The following SYT10 variants were observed in gnomAD, a reference collection of about 807,000 sequenced individuals.
The protein encoded by SYT10 is synaptotagmin 10.
Under a neutral mutation model 51.1 loss-of-function variants are expected in SYT10, and 31 were observed. The observed-to-expected ratio is 0.61, with a 90% confidence interval of 0.46 to 0.82. The LOEUF (loss-of-function observed/expected upper bound fraction) is 0.82. Ranked by LOEUF, SYT10 falls within the 40% of genes least tolerant of loss-of-function variation. The pLI, the probability that SYT10 is intolerant of heterozygous loss-of-function variation, is 0.00. For missense variants in SYT10, 603 were observed against 634.0 expected (o/e 0.95, Z 0.53); for synonymous variants, 233 against 225.9 (o/e 1.03, Z -0.28).
At position 33,375,259 on chromosome 12, in the gene SYT10, A is replaced by G. The variant is rs1360133121; in HGVS notation, c.*1571T>C. ...GTGCAAAATATTTACCTCTTAATTA[A>G]CAGTAATGCCATCACTATAAGAGAT... On this transcript the variant is annotated 3_prime_UTR_variant, in exon 7 of 7. Coordinates refer to ENST00000228567, the MANE Select transcript of SYT10 (RefSeq NM_198992.4). 2 of 152,066 alleles carry G rather than the reference A, an allele frequency of 1.3e-5. No individual in the cohort carries two copies. Among genetic ancestry groups the G allele is most frequent in the African/African-American group, 4.8e-5 (2 of 41,434 alleles). The allele number at this position is 152,066 out of a possible 1,614,324, so 9.4% of individuals were successfully genotyped here. A position where few individuals can be genotyped will look rare whatever the true frequency, so the allele number is the denominator to read the frequency against.
chr12:33,378,814 CTGTGTGTG>C (rs56373564), intron 6 of SYT10, among the ~76,000 whole-genome samples: 574 of 145,246 alleles, frequency 4.0e-3, no homozygotes, highest in African/African-American at 0.01. Context: ...GACTGGGTAT[CTGTGTGTG>C]TGTGTGTGTG....
intron 6 of SYT10, among the ~76,000 whole-genome samples, chr12:33,379,549 C>CAAAAAAAAAAAAAAAAA (rs71068377): frequency 9.1e-5 from 2 of 22,058 alleles, no homozygotes; most frequent in Non-Finnish European, 6.8e-5. Flanking sequence ...TCAGGCTATG[C>CAAAAAAAAAAAAAAAAA]AAAAAAAAAA....
At chr12:33,377,631 T>C (rs1279875669) in intron 6 of SYT10, among the ~76,000 whole-genome samples, 1 of 123,030 alleles carries the variant, frequency 8.1e-6, no homozygotes, top group Non-Finnish European at 1.7e-5. Context: ...TTCTTTTTCT[T>C]TTTTTTTTTT....
intron 2 of SYT10, among the ~76,000 whole-genome samples, chr12:33,413,626 T>G (rs12821052): frequency 6.6e-5 from 10 of 152,064 alleles, no homozygotes; most frequent in African/African-American, 2.4e-4. Context: ...TACAGACAAG[T>G]AAATGCTGAG....
At chr12:33,436,352 A>G (rs570184881) in intron 1 of SYT10, among the ~76,000 whole-genome samples, 16 of 152,276 alleles carry the variant, frequency 1.1e-4, no homozygotes, top group Middle Eastern at 3.4e-3. Context: ...GGAGAAAGAG[A>G]GAATCCATGG....
Position 33,407,128 on chromosome 12 carries a change from T to G in SYT10, c.738A>C (p.Glu246Asp). 6.2e-7 allele frequency: 1 copy of G among 1,613,730 alleles called. No homozygotes were observed. Among genetic ancestry groups the G allele is most frequent in the Non-Finnish European group, 8.5e-7 (1 of 1,179,912 alleles). The change falls in exon 3 of 7, where the codon GAA (glutamate) becomes GAC (aspartate). Residue 246 changes from glutamate to aspartate, a missense_variant. Physicochemically the swap from Glu to Asp is conservative, Grantham distance 45 (BLOSUM62 2). Transcript: ENST00000228567. Reference sequence around the variant, plus strand: ...CTTTGATAATTTTAACAACTAGAAGTTCATTTTCATAATCATACTGGAGGG... The same window carrying G: ...CTTTGATAATTTTAACAACTAGAAGGTCATTTTCATAATCATACTGGAGGG... ...NFTLQYDYEN[E>D]LLVVKIIKAL...
intron 1 of SYT10, among the ~76,000 whole-genome samples, chr12:33,435,376 T>C (rs1249565490): frequency 6.6e-6 from 1 of 152,218 alleles, no homozygotes; most frequent in Admixed American, 6.5e-5. Context: ...TAGGTCTCCA[T>C]TTGCATTTGA....
rs778562353 is a variant in SYT10 at position 33,426,461 on chromosome 12, G to A, written c.186C>T (p.Ser62=). 2.5e-6 allele frequency: 4 copies of A among 1,604,092 alleles called. No individual in the cohort carries two copies. Among genetic ancestry groups the A allele is most frequent in the Non-Finnish European group, 3.4e-6 (4 of 1,176,806 alleles). Residue 62 remains serine (S), a synonymous_variant, in exon 2 of 7, where the codon AGC becomes AGT. Transcript: ENST00000228567. The part of the protein sequence containing the change: ...ISVSLLAVVV[S]FCGLALLVVS... ...CAACCAACAAGGCCAGTCCACAAAA[G>A]CTGACAACGACAGCTAACAGGCTGA...
Position 33,439,699 on chromosome 12 carries a change from GC to G in SYT10, c.-178del. ...GCCCCACGTTGGCCCCATGGCGGGA[GC>G]GGAGGGCGTAGGGGAAGGAGAGGCG... On this transcript the variant is annotated 5_prime_UTR_variant, in exon 1 of 7. Coordinates refer to ENST00000228567, the MANE Select transcript of SYT10 (RefSeq NM_198992.4). The G allele has an allele frequency of 1.3e-6, 1 of 744,660 alleles. No homozygotes were observed. Among genetic ancestry groups the G allele is most frequent in the Non-Finnish European group, 2.1e-6 (1 of 479,942 alleles). The allele number at this position is 744,660 out of a possible 1,614,324, so 46.1% of individuals were successfully genotyped here.
intron 2 of SYT10, among the ~76,000 whole-genome samples, chr12:33,412,940 G>T (rs1216522049): frequency 6.6e-6 from 1 of 152,100 alleles, no homozygotes; most frequent in African/African-American, 2.4e-5. Context: ...CTTGAAAAAA[G>T]ATTAGACGAA....
intron 3 of SYT10, among the ~76,000 whole-genome samples, chr12:33,394,002 T>C (rs1454684415): frequency 2.0e-5 from 3 of 152,118 alleles, no homozygotes; most frequent in Non-Finnish European, 4.4e-5. Context: ...TAAATAAAAG[T>C]TTGCTGGGTT....
chr12:33,406,751 C>G, intron 3 of SYT10, 38 bp downstream of exon 3: 2 of 1,510,568 alleles, frequency 1.3e-6, no homozygotes, highest in Non-Finnish European at 1.8e-6. Context: ...CATTGTAAGT[C>G]AAATAAAAAA....
At chr12:33,416,925 T>G (rs1444974222) in intron 2 of SYT10, among the ~76,000 whole-genome samples, 2 of 152,252 alleles carry the variant, frequency 1.3e-5, no homozygotes, top group Non-Finnish European at 1.5e-5. Flanking sequence ...GGAGCATTGA[T>G]AGTTAATGTA....
intron 3 of SYT10, among the ~76,000 whole-genome samples, chr12:33,387,081 A>C (rs1269499110): frequency 6.6e-6 from 1 of 152,008 alleles, no homozygotes. Flanking sequence ...GGGGGAAATA[A>C]CTCGCTGATT....
chr12:33,435,905 T>C (rs1258837907), intron 1 of SYT10, among the ~76,000 whole-genome samples: 1 of 152,230 alleles, frequency 6.6e-6, no homozygotes, highest in Non-Finnish European at 1.5e-5. Flanking sequence ...GAAGAACATA[T>C]GTATGAATTT....
At chr12:33,422,770 G>A (rs941277000) in intron 2 of SYT10, among the ~76,000 whole-genome samples, 1 of 151,834 alleles carries the variant, frequency 6.6e-6, no homozygotes, top group African/African-American at 2.4e-5. Context: ...CCATGCCTTA[G>A]CTGGAAATAA....
At position 33,422,963 on chromosome 12, in the gene SYT10, T is replaced by C. The variant is rs551579160; in HGVS notation, c.509+3175A>G. On this transcript the variant is annotated intron_variant, in intron 2 of 6. Transcript: ENST00000228567. The stretch of plus-strand genomic sequence containing the variant: ...TTGACTATACCCAGGATTAAATATA[T>C]GTTGAATAAGGTTATTGGATGAATA... Among the ~76,000 whole-genome samples the C allele has an allele frequency of 4.6e-5, 7 of 152,290 alleles. No homozygotes were observed. The South Asian group carries it at 1.4e-3, about 32-fold the overall frequency.
intron 3 of SYT10, among the ~76,000 whole-genome samples, chr12:33,390,288 A>T (rs1193652747): frequency 1.3e-5 from 2 of 152,184 alleles, no homozygotes; most frequent in Admixed American, 6.5e-5. Context: ...GAAGGATCCA[A>T]TCCTCAAGGC....
At chr12:33,395,391 G>T in intron 3 of SYT10, among the ~76,000 whole-genome samples, 1 of 152,160 alleles carries the variant, frequency 6.6e-6, no homozygotes, top group East Asian at 1.9e-4. Context: ...CTGGTTAAAT[G>T]CAAGGAAGAA....
Sources: allele counts gnomAD v4.1 joint callset (sites outside exome capture counted in the v4.1 genomes callset), GRCh38; gene constraint gnomAD v4.1.1; transcripts MANE v1.5; gene names NCBI Gene and HGNC (gene_info 2026-07-23, HGNC 2026-07-21).